RXRA: variants seen among roughly 807,000 people sequenced by gnomAD.
The protein encoded by RXRA is retinoic acid receptor RXR-alpha.
RXRA carries 5 observed loss-of-function variants against 44.5 expected under a neutral mutation model. That is an observed-to-expected ratio of 0.11 (90% CI 0.06 to 0.24). The LOEUF (loss-of-function observed/expected upper bound fraction) is 0.24. RXRA is among the 10% of genes least tolerant of loss of function. The pLI is 1.00. For missense variants in RXRA, 412 were observed against 646.5 expected (o/e 0.64, Z 3.93); for synonymous variants, 291 against 271.4 (o/e 1.07, Z -0.71).
chr9:134,353,211 A>T (rs1465163224), intron 1 of RXRA, among the ~76,000 whole-genome samples: 1 of 151,990 alleles, frequency 6.6e-6, no homozygotes, highest in Non-Finnish European at 1.5e-5. Flanking sequence ...AGCAAACAGC[A>T]AATTGAGCTC....
chr9:134,423,791 G>T, intron 6 of RXRA: 1 of 985,446 alleles, frequency 1.0e-6, no homozygotes, highest in African/African-American at 1.7e-5. Context: ...CAGAGCCCCT[G>T]GCTTTGCCAG....
Position 134,426,465 on chromosome 9 carries a change from CAG to C in RXRA, c.911-2642_911-2641del, listed in dbSNP as rs1418284531. Reference sequence around the variant, plus strand: ...GAGTGAGGACATCGGGGTGGAGGGACAGGGGACAGGGGAGCTGAGATGCAGCC... The same window carrying C: ...GAGTGAGGACATCGGGGTGGAGGGACGGGACAGGGGAGCTGAGATGCAGCC... On this transcript the variant is annotated intron_variant, in intron 6 of 9. Transcript: ENST00000481739. The surrounding 1 kb of genome is among the most constrained non-coding windows in gnomAD (Gnocchi z 4.6). 9 of 985,402 alleles carry C rather than the reference CAG, an allele frequency of 9.1e-6. No individual in the cohort carries two copies. In the South Asian group the frequency reaches 2.8e-4, roughly 31 times the overall value. 61.0% of individuals were successfully genotyped at this position (985,402 alleles called of 1,614,324 possible).
At chr9:134,374,048 G>A (rs1420469000) in intron 1 of RXRA, 1 of 152,270 alleles carries the variant, frequency 6.6e-6, no homozygotes, top group African/African-American at 2.4e-5. Context: ...ATGGGCAAGT[G>A]CTCTCTGAGT....
chr9:134,326,814 G>C (rs1373127423), intron 1 of RXRA, among the ~76,000 whole-genome samples, 155 bp downstream of exon 1: 2 of 142,668 alleles, frequency 1.4e-5, no homozygotes, highest in African/African-American at 5.0e-5. Context: ...CGGGCGCCGG[G>C]CCCGGGGAGG....
intron 1 of RXRA, among the ~76,000 whole-genome samples, chr9:134,385,687 C>G (rs1204664717): frequency 1.3e-5 from 2 of 152,260 alleles, no homozygotes; most frequent in Non-Finnish European, 2.9e-5. Flanking sequence ...CAGGCCACCA[C>G]TCCAGGCCAG....
intron 6 of RXRA, chr9:134,425,332 T>C: frequency 3.5e-5 from 34 of 985,250 alleles, no homozygotes; most frequent in Non-Finnish European, 4.0e-5. Flanking sequence ...GCTTGTTCCA[T>C]GGAAGCTCTG....
intron 1 of RXRA, among the ~76,000 whole-genome samples, chr9:134,387,591 T>G (rs1428203414): frequency 6.6e-6 from 1 of 152,204 alleles, no homozygotes; most frequent in African/African-American, 2.4e-5. Context: ...AGCCACTTGG[T>G]TTTGGAGCTG....
intron 6 of RXRA, 147 bp downstream of exon 6, chr9:134,421,952 C>T (rs1360624967): frequency 1.3e-5 from 19 of 1,516,340 alleles, no homozygotes; most frequent in African/African-American, 4.2e-5. Context: ...TCCTACCTCC[C>T]GGGACACTCC....
chr9:134,338,101 G>C (rs147342522), intron 1 of RXRA, among the ~76,000 whole-genome samples: 10 of 152,314 alleles, frequency 6.6e-5, no homozygotes, highest in African/African-American at 2.4e-4. Flanking sequence ...CTCAGGAAGG[G>C]CATGGAGGGA....
Position 134,417,619 on chromosome 9 carries a change from T to G in RXRA, c.780+292T>G, listed in dbSNP as rs1009224668. ...CCACATCATCATCCTCGGCCACCTC[T>G]GCTGGGGCCTCAGCCGCCGTGTCCC... On this transcript the variant is annotated intron_variant, in intron 5 of 9. Transcript: ENST00000481739. The surrounding 1 kb of genome is among the most constrained non-coding windows in gnomAD (Gnocchi z 6.1). Among the ~76,000 whole-genome samples the G allele has an allele frequency of 6.6e-6, 1 of 151,848 alleles. No individual in the cohort carries two copies. The highest frequency in any genetic ancestry group is 2.4e-5 in the African/African-American group (1 of 41,310).
chr9:134,433,813 G>A lies in RXRA; in HGVS notation c.1136-289G>A, dbSNP rs35645607. On this transcript the variant is annotated intron_variant, in intron 8 of 9. Transcript: ENST00000481739. The surrounding 1 kb of genome is among the most constrained non-coding windows in gnomAD (Gnocchi z 4.2). Reference sequence around the variant, plus strand: ...AGATCCCTGACACTTTATCGATGGGGAAACCGAGTCTCTGGAGGTCAAATA... The same window carrying A: ...AGATCCCTGACACTTTATCGATGGGAAAACCGAGTCTCTGGAGGTCAAATA... 0.043 allele frequency among the ~76,000 whole-genome samples: 6,562 copies of A among 152,266 alleles called. 197 individuals are homozygous for A. Among genetic ancestry groups the A allele is most frequent in the Non-Finnish European group, 0.064 (4,339 of 68,004 alleles).
At chr9:134,384,921 T>G (rs1830697092) in intron 1 of RXRA, among the ~76,000 whole-genome samples, 1 of 152,138 alleles carries the variant, frequency 6.6e-6, no homozygotes, top group South Asian at 2.1e-4. Flanking sequence ...GGGGGTGCCA[T>G]CACAGGAGAC....
chr9:134,379,096 C>A lies in RXRA; in HGVS notation c.29-22536C>A, dbSNP rs140276172. On this transcript the variant is annotated intron_variant, in intron 1 of 9. Transcript: ENST00000481739. ...TGCCAGCTGAGCTCCTGGGATGCAG[C>A]CCAGCCTGTGGGGCCACCCGGCTCC... Among the ~76,000 whole-genome samples, 735 of 152,330 alleles carry A rather than the reference C, an allele frequency of 4.8e-3. 10 individuals carry two copies. The highest frequency in any genetic ancestry group is 0.017 in the African/African-American group (695 of 41,570).
intron 1 of RXRA, among the ~76,000 whole-genome samples, chr9:134,333,508 C>T (rs3818733): frequency 0.13 from 19,569 of 152,068 alleles, 1,334 homozygotes; most frequent in South Asian, 0.22. Flanking sequence ...GAGCCTCTGG[C>T]GCTGAGGGGA....
At chr9:134,353,896 C>T (rs1830251582) in intron 1 of RXRA, among the ~76,000 whole-genome samples, 1 of 152,202 alleles carries the variant, frequency 6.6e-6, no homozygotes, top group Middle Eastern at 3.2e-3. Context: ...GACAGCCTGG[C>T]TGCATTTGGG....
At chr9:134,360,557 G>A (rs1234378522) in intron 1 of RXRA, among the ~76,000 whole-genome samples, 3 of 152,238 alleles carry the variant, frequency 2.0e-5, no homozygotes, top group South Asian at 2.1e-4. Flanking sequence ...CCCTTCCGGC[G>A]CACTTGTGTG....
intron 1 of RXRA, among the ~76,000 whole-genome samples, chr9:134,355,868 C>T (rs1300634360): frequency 1.3e-5 from 2 of 152,070 alleles, no homozygotes; most frequent in Non-Finnish European, 2.9e-5. Context: ...CGGAAAGCTC[C>T]GCAGGTACCC....
At position 134,365,161 on chromosome 9, in the gene RXRA, G is replaced by A. The variant is rs1313673525; in HGVS notation, c.29-36471G>A. On this transcript the variant is annotated intron_variant, in intron 1 of 9. Transcript: ENST00000481739. This position sits in a 1 kb window ranked among gnomAD's most constrained non-coding sequence, Gnocchi z 4.0. ...CCACAGAGGCGGCTGTTGCTGGAGG[G>A]CTGATGGCACGCTGGGCCCGGGAAA... 1.3e-5 allele frequency among the ~76,000 whole-genome samples: 2 copies of A among 152,240 alleles called. No homozygotes were observed. Among genetic ancestry groups the A allele is most frequent in the Admixed American group, 1.3e-4 (2 of 15,290 alleles).
intron 1 of RXRA, among the ~76,000 whole-genome samples, chr9:134,330,398 G>A (rs1415465945): frequency 6.6e-6 from 1 of 152,214 alleles, no homozygotes; most frequent in South Asian, 2.1e-4. Flanking sequence ...GGGGTCTAGG[G>A]CCACAAGGGC....
Sources: gnomAD v4.1 joint callset for allele counts (sites outside exome capture counted in the v4.1 genomes callset) on GRCh38, gnomAD v4.1.1 for gene constraint, Gnocchi (gnomAD v3.1) non-coding constraint, MANE v1.5 for transcripts, NCBI Gene and HGNC (gene_info 2026-07-23, HGNC 2026-07-21) for gene names.